Variants in NTNG1 observed in about 807,000 individuals in gnomAD.
NTNG1 encodes the protein netrin G1.
A neutral mutation model predicts 54.0 loss-of-function variants in NTNG1; 16 were observed. The observed-to-expected ratio is 0.30, with a 90% CI of 0.20 to 0.45. NTNG1 has a LOEUF of 0.45. NTNG1 is among the 20% of genes least tolerant of loss of function. The probability of loss-of-function intolerance (pLI) is 1.00; values close to 1 mark genes in which losing one functional copy is unlikely to be tolerated. For missense variants in NTNG1, 530 were observed against 678.7 expected (o/e 0.78, Z 2.43); for synonymous variants, 255 against 263.1 (o/e 0.97, Z 0.30).
chr1:107,153,181 G>T (rs1314881909), intron 2 of NTNG1, among the ~76,000 whole-genome samples: 1 of 152,160 alleles, frequency 6.6e-6, no homozygotes, highest in Admixed American at 6.5e-5. Context: ...TCAAAGGAAC[G>T]CTGAGAGATG....
chr1:107,414,400 T>C (rs557455617), intron 5 of NTNG1, among the ~76,000 whole-genome samples: 1 of 152,176 alleles, frequency 6.6e-6, no homozygotes, highest in South Asian at 2.1e-4. Flanking sequence ...TCTAAGCTGA[T>C]GTGGTTCTAA....
At chr1:107,374,152 A>G (rs889184927) in intron 3 of NTNG1, among the ~76,000 whole-genome samples, 5 of 152,068 alleles carry the variant, frequency 3.3e-5, no homozygotes, top group African/African-American at 1.2e-4. Flanking sequence ...CATGTCCTTT[A>G]TTCTTCTGTT....
chr1:107,240,168 AT>A (rs1399252333), intron 2 of NTNG1, among the ~76,000 whole-genome samples: 9 of 152,180 alleles, frequency 5.9e-5, no homozygotes, highest in African/African-American at 1.9e-4. Context: ...TTTTAAAAAA[AT>A]GTTTATATTT....
At chr1:107,348,972 T>C (rs1038587761) in intron 3 of NTNG1, among the ~76,000 whole-genome samples, 2 of 152,200 alleles carry the variant, frequency 1.3e-5, no homozygotes, top group African/African-American at 4.8e-5. Flanking sequence ...TTTAAATGCA[T>C]TTCAGATAAC....
intron 2 of NTNG1, among the ~76,000 whole-genome samples, chr1:107,167,528 C>G (rs1450818165): frequency 6.6e-6 from 1 of 151,438 alleles, no homozygotes; most frequent in Non-Finnish European, 1.5e-5. Flanking sequence ...TTTTATGTAT[C>G]TTTAGTCATG....
rs868217299 is a variant in NTNG1 at position 107,454,188 on chromosome 1, C to T, written c.1390+17389C>T. On this transcript the variant is annotated intron_variant, in intron 7 of 7. Coordinates refer to ENST00000370068, the MANE Select transcript of NTNG1 (RefSeq NM_001113226.3). Reference sequence around the variant, plus strand: ...CAATACCACACAACAGAGAAAGAGACTTTAGGATAAAAGCAAGCAGTGACT... The same window carrying T: ...CAATACCACACAACAGAGAAAGAGATTTTAGGATAAAAGCAAGCAGTGACT... Among the ~76,000 whole-genome samples, 9 of 152,258 alleles carry T rather than the reference C, an allele frequency of 5.9e-5. No individual in the cohort carries two copies. The South Asian group carries it at 1.5e-3, about 25-fold the overall frequency.
At chr1:107,182,492 A>G (rs72981608) in intron 2 of NTNG1, among the ~76,000 whole-genome samples, 1,697 of 152,238 alleles carry the variant, frequency 0.011, 24 homozygotes, top group African/African-American at 0.039. Flanking sequence ...CTATGTGTTG[A>G]GCTCTGTGCT....
At chr1:107,210,627 A>G (rs6672237) in intron 2 of NTNG1, among the ~76,000 whole-genome samples, 7,345 of 152,278 alleles carry the variant, frequency 0.048, 558 homozygotes, top group African/African-American at 0.16. Flanking sequence ...TCATCTGTGA[A>G]AAGATTGTTG....
chr1:107,333,573 G>A (rs1668403445), intron 3 of NTNG1, among the ~76,000 whole-genome samples: 1 of 151,912 alleles, frequency 6.6e-6, no homozygotes, highest in African/African-American at 2.4e-5. Context: ...AGTATTCGCA[G>A]AACTCTTTAA....
At chr1:107,258,051 C>T (rs988623958) in intron 2 of NTNG1, among the ~76,000 whole-genome samples, 2 of 152,048 alleles carry the variant, frequency 1.3e-5, no homozygotes, top group African/African-American at 2.4e-5. Context: ...AGGATTAAAA[C>T]ATTATATGAA....
chr1:107,282,428 A>G (rs1664925136), intron 2 of NTNG1, among the ~76,000 whole-genome samples: 1 of 152,132 alleles, frequency 6.6e-6, no homozygotes. Flanking sequence ...TTTGTCTGCT[A>G]TCATGAGGCC....
intron 2 of NTNG1, among the ~76,000 whole-genome samples, chr1:107,244,105 C>T (rs1376002496): frequency 6.6e-6 from 1 of 152,122 alleles, no homozygotes. Context: ...GAAAAATACA[C>T]CTATCATTGC....
At chr1:107,309,035 C>G (rs890585211) in intron 2 of NTNG1, among the ~76,000 whole-genome samples, 1 of 151,830 alleles carries the variant, frequency 6.6e-6, no homozygotes, top group Non-Finnish European at 1.5e-5. Context: ...TACTTCCAGT[C>G]AAACTCTTGC....
chr1:107,376,362 C>T (rs554700182), intron 3 of NTNG1, among the ~76,000 whole-genome samples: 6 of 151,366 alleles, frequency 4.0e-5, no homozygotes, highest in Admixed American at 6.6e-5. Context: ...GAGCCGAGGT[C>T]GCGCCACTGC....
At chr1:107,319,656 C>G (rs767853520) in intron 2 of NTNG1, among the ~76,000 whole-genome samples, 2 of 151,944 alleles carry the variant, frequency 1.3e-5, no homozygotes, top group Admixed American at 6.6e-5. Context: ...TTTCATGATT[C>G]GTTTAAGTGT....
intron 2 of NTNG1, among the ~76,000 whole-genome samples, chr1:107,313,934 G>A (rs1413622018): frequency 3.9e-5 from 6 of 152,028 alleles, no homozygotes; most frequent in Non-Finnish European, 5.9e-5. Flanking sequence ...ATCTCTGCAA[G>A]CCCTTTGTTT....
chr1:107,382,922 C>A (rs1238098086), intron 3 of NTNG1, among the ~76,000 whole-genome samples: 1 of 151,552 alleles, frequency 6.6e-6, no homozygotes, highest in African/African-American at 2.4e-5. Context: ...TATTTTATTT[C>A]TCAGAAAAGG....
At position 107,484,829 on chromosome 1, in the gene NTNG1, G is replaced by C. The variant is rs1678934391; in HGVS notation, c.*3989G>C. Among the ~76,000 whole-genome samples, 1 of 152,206 alleles carries C rather than the reference G, an allele frequency of 6.6e-6. No homozygotes were observed. The highest frequency in any genetic ancestry group is 1.9e-4 in the East Asian group (1 of 5,204). ...CCAGCATTCTGAAATGGGATGCTCT[G>C]TACTATATGGGAAATGGGTTGTTGT... On this transcript the variant is annotated 3_prime_UTR_variant, in exon 8 of 8. Transcript: ENST00000370068.
intron 3 of NTNG1, among the ~76,000 whole-genome samples, chr1:107,332,593 A>G (rs1048201420): frequency 1.1e-4 from 17 of 152,126 alleles, no homozygotes; most frequent in African/African-American, 3.9e-4. Flanking sequence ...TTTTCTTAAC[A>G]CGTTAGGAGA....
Sources: gnomAD v4.1 joint callset for allele counts (sites outside exome capture counted in the v4.1 genomes callset) on GRCh38, gnomAD v4.1.1 for gene constraint, MANE v1.5 for transcripts, NCBI Gene and HGNC (gene_info 2026-07-23, HGNC 2026-07-21) for gene names.